WDR49: variants seen among roughly 807,000 people sequenced by gnomAD.
WDR49 encodes cilia- and flagella-associated protein 337.
Under a neutral mutation model 119.5 loss-of-function variants are expected in WDR49, and 107 were observed. The observed-to-expected ratio is 0.90, with a 90% CI of 0.77 to 1.05. The LOEUF (loss-of-function observed/expected upper bound fraction) is 1.05, where lower values mean the gene tolerates loss of function less well. Among genes scored for constraint, WDR49 ranks in the 50% least tolerant of loss-of-function variants. WDR49 has a pLI of 0.00. For synonymous variants in WDR49, 425 were observed against 418.8 expected, an observed-to-expected ratio of 1.01 and a Z score of -0.18; for missense variants, 1,240 against 1,220.5, an observed-to-expected ratio of 1.02 and a Z score of -0.24.
intron 18 of WDR49, among the ~76,000 whole-genome samples, chr3:167,483,895 A>T (rs1426644978): frequency 6.6e-6 from 1 of 152,226 alleles, no homozygotes; most frequent in Non-Finnish European, 1.5e-5. Flanking sequence ...GGCAAAAATG[A>T]TGTCATTAAC....
intron 8 of WDR49, among the ~76,000 whole-genome samples, chr3:167,564,032 A>T (rs1236637984): frequency 6.6e-6 from 1 of 152,164 alleles, no homozygotes; most frequent in Non-Finnish European, 1.5e-5. Context: ...ATCATTCACC[A>T]CTGTTATCTA....
chr3:167,485,370 A>G (rs1402241187), intron 18 of WDR49, among the ~76,000 whole-genome samples: 1 of 152,040 alleles, frequency 6.6e-6, no homozygotes, highest in East Asian at 1.9e-4. Context: ...AAAAATAAAA[A>G]TAAATAAATA....
chr3:167,500,335 A>G (rs749942830), intron 17 of WDR49, 36 bp from the exon 18 acceptor site: 15 of 1,599,292 alleles, frequency 9.4e-6, no homozygotes, highest in Non-Finnish European at 1.3e-5. Context: ...AGACAGGGAG[A>G]AAAAGGGTAC....
chr3:167,532,417 A>G lies in WDR49; in HGVS notation c.2053+462T>C, dbSNP rs114662015. ...ATAAAATACAATATACTCCCATCTA[A>G]TGTTCCTCATGGGCTTCTAAAGCAA... On this transcript the variant is annotated intron_variant, in intron 12 of 18. Coordinates refer to ENST00000682715, the MANE Select transcript of WDR49 (RefSeq NM_001366157.1). 6.3e-3 allele frequency among the ~76,000 whole-genome samples: 960 copies of G among 152,216 alleles called. 12 individuals are homozygous for G. The highest frequency in any genetic ancestry group is 0.022 in the African/African-American group (905 of 41,540).
At position 167,585,034 on chromosome 3, in the gene WDR49, T is replaced by C. The variant is rs187577816; in HGVS notation, c.1276-8883A>G. 3.6e-3 allele frequency among the ~76,000 whole-genome samples: 546 copies of C among 152,282 alleles called. 4 individuals carry two copies. Among genetic ancestry groups the C allele is most frequent in the Admixed American group, 8.6e-3 (132 of 15,290 alleles). On this transcript the variant is annotated intron_variant, in intron 7 of 18. Transcript: ENST00000682715. ...AGCACACATTTTTAAATTTTGTTTTTTTCATTCAAAAGTTTTAAATATTTA... is the reference window on the plus strand; with the variant it reads ...AGCACACATTTTTAAATTTTGTTTTCTTCATTCAAAAGTTTTAAATATTTA...
intron 16 of WDR49, among the ~76,000 whole-genome samples, chr3:167,516,737 C>G (rs989914683): frequency 6.6e-5 from 10 of 151,964 alleles, no homozygotes; most frequent in South Asian, 4.2e-4. Context: ...AAACTAACGA[C>G]CTTCTGCACA....
At chr3:167,521,495 C>T (rs941808364) in intron 16 of WDR49, among the ~76,000 whole-genome samples, 1 of 152,130 alleles carries the variant, frequency 6.6e-6, no homozygotes, top group Non-Finnish European at 1.5e-5. Context: ...TGGTGTTTCA[C>T]CTGTTTAACA....
chr3:167,531,261 A>G lies in WDR49; in HGVS notation c.2072T>C (p.Leu691Pro). The change falls in exon 13 of 19, where the codon CTT (leucine) becomes CCT (proline). Residue 691 changes from leucine (L) to proline (P), a missense_variant. Physicochemically the swap from Leu to Pro is moderately conservative, Grantham distance 98. Coordinates refer to ENST00000682715, the MANE Select transcript of WDR49 (RefSeq NM_001366157.1). ...KSKLDTKPQKLLSAGRSQPSH... is the reference protein window; with the variant it reads ...KSKLDTKPQKPLSAGRSQPSH... ...GGGTTGGCTTCTCCCAGCACTGAGA[A>G]GTTTTTGAGGTTTTGTATCTGTGAG... 6.2e-7 allele frequency: 1 copy of G among 1,611,110 alleles called. No homozygotes were observed. The highest frequency in any genetic ancestry group is 8.5e-7 in the Non-Finnish European group (1 of 1,179,432).
At chr3:167,538,096 T>C (rs1711569541) in intron 10 of WDR49, among the ~76,000 whole-genome samples, 1 of 152,164 alleles carries the variant, frequency 6.6e-6, no homozygotes, top group African/African-American at 2.4e-5. Flanking sequence ...TCCCTTTCTC[T>C]CTATCCACTC....
At chr3:167,615,117 T>C (rs1362070653) in intron 5 of WDR49, among the ~76,000 whole-genome samples, 3 of 152,252 alleles carry the variant, frequency 2.0e-5, no homozygotes, top group Non-Finnish European at 4.4e-5. Context: ...TCTGTATTGC[T>C]AAATCTAAGA....
chr3:167,505,434 A>T lies in WDR49; in HGVS notation c.2775-18T>A. On this transcript the variant is annotated intron_variant, in intron 16 of 18. Coordinates refer to ENST00000682715, the MANE Select transcript of WDR49 (RefSeq NM_001366157.1). ...GTCTGACACTGGAAGAAAATATTTC[A>T]TGATGAAATACATTATTAACCACAG... The T allele has an allele frequency of 6.6e-7, 1 of 1,510,604 alleles. No homozygotes were observed. Among genetic ancestry groups the T allele is most frequent in the Non-Finnish European group, 8.8e-7 (1 of 1,138,290 alleles). 93.6% of individuals were successfully genotyped at this position (1,510,604 alleles called of 1,614,324 possible). A position where few individuals can be genotyped will look rare whatever the true frequency, so the allele number is the denominator to read the frequency against.
chr3:167,621,421 T>C, intron 4 of WDR49, 46 bp downstream of exon 4: 2 of 1,422,970 alleles, frequency 1.4e-6, no homozygotes, highest in Non-Finnish European at 1.8e-6. Context: ...AACTACAGTT[T>C]GATGATTAAA....
At chr3:167,582,732 T>C (rs1577254711) in intron 7 of WDR49, among the ~76,000 whole-genome samples, 1 of 152,174 alleles carries the variant, frequency 6.6e-6, no homozygotes, top group South Asian at 2.1e-4. Context: ...GGCAGACCAC[T>C]TGGGGTCAGG....
chr3:167,528,568 A>T (rs1350012961), intron 14 of WDR49, among the ~76,000 whole-genome samples: 4 of 151,578 alleles, frequency 2.6e-5, no homozygotes. Context: ...AAAATAAAAT[A>T]ATTAGCTGGG....
intron 16 of WDR49, among the ~76,000 whole-genome samples, chr3:167,515,806 G>A (rs1468411560): frequency 1.3e-5 from 2 of 152,168 alleles, no homozygotes; most frequent in African/African-American, 4.8e-5. Context: ...CAAAAACAAT[G>A]TGCAAAAATC....
intron 8 of WDR49, among the ~76,000 whole-genome samples, chr3:167,565,475 G>T (rs1483214857): frequency 3.3e-5 from 5 of 151,638 alleles, no homozygotes; most frequent in African/African-American, 1.2e-4. Context: ...TATATATGAT[G>T]TTTGGTGGTA....
chr3:167,600,154 T>C (rs1419730024), intron 7 of WDR49, among the ~76,000 whole-genome samples: 1 of 152,026 alleles, frequency 6.6e-6, no homozygotes, highest in Non-Finnish European at 1.5e-5. Context: ...TTTCCTCTCC[T>C]CAAGCGGAAG....
rs1281095677 is a variant in WDR49, at chr3:167,560,107, T to C, written c.1631A>G (p.Asn544Ser). ...AEISTMALDA[N>S]ETRLLTGSTD... ...GCTGCCAGTCAAAAGCCGAGTCTCA[T>C]TTGCATCAAGGGCCATAGTGCTGAT... Residue 544 changes from asparagine to serine, a missense_variant, in exon 9 of 19, where the codon AAT (asparagine) becomes AGT (serine). Asn to Ser is a conservative substitution (Grantham distance 46). Transcript: ENST00000682715. The C allele has an allele frequency of 1.9e-6, 3 of 1,614,068 alleles. No homozygotes were observed. The highest frequency in any genetic ancestry group is 2.2e-5 in the East Asian group (1 of 44,890).
intron 5 of WDR49, among the ~76,000 whole-genome samples, chr3:167,611,778 A>G (rs555517011): frequency 6.6e-6 from 1 of 152,316 alleles, no homozygotes; most frequent in African/African-American, 2.4e-5. Flanking sequence ...CAATTCAGCA[A>G]GAGGATATAA....
Sources: gnomAD v4.1 joint callset for allele counts (sites outside exome capture counted in the v4.1 genomes callset) on GRCh38, gnomAD v4.1.1 for gene constraint, MANE v1.5 for transcripts, NCBI Gene and HGNC (gene_info 2026-07-23, HGNC 2026-07-21) for gene names.